The following CADPS variants were observed in gnomAD, a reference collection of about 807,000 sequenced individuals.
The protein encoded by CADPS is calcium-dependent secretion activator 1.
Under a neutral mutation model 167.3 loss-of-function variants are expected in CADPS, and 57 were observed. The ratio of observed to expected loss-of-function variants is 0.34; its 90% CI spans 0.28 to 0.42. The LOEUF (loss-of-function observed/expected upper bound fraction) is 0.42. Ranked by LOEUF, CADPS falls within the 20% of genes least tolerant of loss-of-function variation. CADPS has a pLI of 1.00. For missense variants in CADPS, 1,414 were observed against 1,738.1 expected (o/e 0.81, Z 3.32); for synonymous variants, 676 against 635.3 (o/e 1.06, Z -0.96).
intron 17 of CADPS, among the ~76,000 whole-genome samples, chr3:62,508,498 C>T (rs1003183407): frequency 6.6e-6 from 1 of 152,146 alleles, no homozygotes; most frequent in Non-Finnish European, 1.5e-5. Flanking sequence ...AGTGACTTAA[C>T]ATGTTTCTAC....
chr3:62,770,954 C>T (rs763267249), intron 1 of CADPS, among the ~76,000 whole-genome samples: 4 of 152,124 alleles, frequency 2.6e-5, no homozygotes, highest in Non-Finnish European at 5.9e-5. Flanking sequence ...TTAGGAGTAG[C>T]AATAGCTGGT....
At chr3:62,640,511 T>C (rs2067204137) in intron 6 of CADPS, among the ~76,000 whole-genome samples, 1 of 152,162 alleles carries the variant, frequency 6.6e-6, no homozygotes, top group Non-Finnish European at 1.5e-5. Context: ...TTTTGTCTCA[T>C]CAGATGAGAT....
chr3:62,820,795 GT>G (rs5849504), intron 1 of CADPS, among the ~76,000 whole-genome samples: 89,845 of 137,830 alleles, frequency 0.65, 30,184 homozygotes, highest in East Asian at 0.89. Context: ...CTTTTTTTTG[GT>G]TTTTTTTTTT....
At chr3:62,815,564 T>C (rs2094574804) in intron 1 of CADPS, among the ~76,000 whole-genome samples, 1 of 152,060 alleles carries the variant, frequency 6.6e-6, no homozygotes, top group Non-Finnish European at 1.5e-5. Context: ...TCATTATGCT[T>C]CAATACCACT....
intron 28 of CADPS, among the ~76,000 whole-genome samples, chr3:62,436,131 A>G (rs2054980753): frequency 6.6e-6 from 1 of 152,126 alleles, no homozygotes; most frequent in South Asian, 2.1e-4. Context: ...CAAAAGAGAT[A>G]ATGTGCCTTG....
At chr3:62,809,328 G>T (rs1576700598) in intron 1 of CADPS, among the ~76,000 whole-genome samples, 1 of 152,140 alleles carries the variant, frequency 6.6e-6, no homozygotes, top group African/African-American at 2.4e-5. Context: ...ATACCCACAA[G>T]AGCAAACCCC....
intron 28 of CADPS, among the ~76,000 whole-genome samples, chr3:62,426,795 T>C (rs917119681): frequency 2.6e-5 from 4 of 151,644 alleles, no homozygotes; most frequent in African/African-American, 4.8e-5. Context: ...CGGTCAGGCA[T>C]GGTGGCTCAC....
intron 28 of CADPS, among the ~76,000 whole-genome samples, chr3:62,429,581 T>C (rs2053509867): frequency 6.6e-6 from 1 of 152,088 alleles, no homozygotes; most frequent in Non-Finnish European, 1.5e-5. Flanking sequence ...TAATATTTCT[T>C]CCACAAAATG....
intron 6 of CADPS, among the ~76,000 whole-genome samples, chr3:62,609,605 G>T (rs2149266495): frequency 6.6e-6 from 1 of 152,236 alleles, no homozygotes; most frequent in East Asian, 1.9e-4. Context: ...ACCTCTCTGA[G>T]CATCAGTTTC....
At position 62,599,780 on chromosome 3, in the gene CADPS, T is replaced by TATATATAATATATTATATATATTG. The variant is rs1491429269; in HGVS notation, c.1326-7033_1326-7032insCAATATATATAATATATTATATAT. On this transcript the variant is annotated intron_variant, in intron 6 of 29. Coordinates refer to ENST00000383710, the MANE Select transcript of CADPS (RefSeq NM_003716.4). Reference sequence around the variant, plus strand: ...ATATATTGTATATATAATATATATATTATATATAATATATATAATATATAA... The same window carrying TATATATAATATATTATATATATTG: ...ATATATTGTATATATAATATATATATATATATAATATATTATATATATTGTATATATAATATATATAATATATAA... Among the ~76,000 whole-genome samples the TATATATAATATATTATATATATTG allele has an allele frequency of 4.9e-4, 6 of 12,310 alleles. 1 individual carries two copies. Among genetic ancestry groups the TATATATAATATATTATATATATTG allele is most frequent in the Non-Finnish European group, 7.0e-4 (5 of 7,162 alleles). The allele number at this position is 12,310 out of a possible 152,430, so 8.1% of individuals were successfully genotyped here. A position where few individuals can be genotyped will look rare whatever the true frequency, so the allele number is the denominator to read the frequency against.
At chr3:62,422,875 T>C (rs2051754236) in intron 28 of CADPS, among the ~76,000 whole-genome samples, 1 of 152,212 alleles carries the variant, frequency 6.6e-6, no homozygotes, top group Admixed American at 6.5e-5. Flanking sequence ...TATTTAATAA[T>C]ACCACTGTGT....
chr3:62,756,895 G>A (rs1197046398), intron 2 of CADPS, among the ~76,000 whole-genome samples: 2 of 152,142 alleles, frequency 1.3e-5, no homozygotes, highest in South Asian at 2.1e-4. Context: ...GGGAGGCATT[G>A]AGAAGGAGGA....
intron 8 of CADPS, among the ~76,000 whole-genome samples, chr3:62,583,360 A>G (rs1353562622): frequency 6.6e-6 from 1 of 152,220 alleles, no homozygotes; most frequent in Non-Finnish European, 1.5e-5. Flanking sequence ...CAGAGGGGGA[A>G]GACATATTAG....
At chr3:62,664,286 G>A (rs979971907) in intron 3 of CADPS, among the ~76,000 whole-genome samples, 5 of 152,216 alleles carry the variant, frequency 3.3e-5, no homozygotes, top group African/African-American at 4.8e-5. Flanking sequence ...GATTACAGGC[G>A]TGAGCCACCA....
intron 6 of CADPS, among the ~76,000 whole-genome samples, chr3:62,627,431 G>A (rs1563071279): frequency 6.6e-6 from 1 of 151,948 alleles, no homozygotes; most frequent in Non-Finnish European, 1.5e-5. Context: ...AAGCTGTTCT[G>A]CCTTCTTTGT....
intron 11 of CADPS, among the ~76,000 whole-genome samples, chr3:62,548,795 A>G (rs928065429): frequency 2.6e-5 from 4 of 152,184 alleles, no homozygotes; most frequent in Non-Finnish European, 5.9e-5. Flanking sequence ...CTGACTACCT[A>G]TCCTTTGAAC....
chr3:62,635,023 C>T (rs2066004476), intron 6 of CADPS, among the ~76,000 whole-genome samples: 1 of 152,156 alleles, frequency 6.6e-6, no homozygotes. Flanking sequence ...ACGCTTGGTT[C>T]TGATTACAAA....
intron 3 of CADPS, among the ~76,000 whole-genome samples, chr3:62,697,138 T>G (rs2080454218): frequency 6.6e-6 from 1 of 152,096 alleles, no homozygotes; most frequent in South Asian, 2.1e-4. Flanking sequence ...CCATAGGTTT[T>G]GGGGAACACG....
intron 6 of CADPS, among the ~76,000 whole-genome samples, chr3:62,621,840 A>G (rs192394203): frequency 1.3e-4 from 19 of 149,962 alleles, no homozygotes; most frequent in Admixed American, 6.0e-4. Flanking sequence ...AACATGAGGT[A>G]TTTGTTTTTC....
Sources: allele counts gnomAD v4.1 joint callset (sites outside exome capture counted in the v4.1 genomes callset), GRCh38; gene constraint gnomAD v4.1.1; transcripts MANE v1.5; gene names NCBI Gene and HGNC (gene_info 2026-07-23, HGNC 2026-07-21).